Variants in C1QTNF3 observed in about 807,000 individuals in gnomAD.
C1QTNF3 encodes the protein complement C1q tumor necrosis factor-related protein 3.
A neutral mutation model predicts 32.6 loss-of-function variants in C1QTNF3; 26 were observed. The ratio of observed to expected loss-of-function variants is 0.80; its 90% CI spans 0.58 to 1.11. The LOEUF is 1.11. Ranked by LOEUF, C1QTNF3 falls within the 50% of genes least tolerant of loss-of-function variation. The probability of loss-of-function intolerance (pLI) is 0.00; values close to 1 mark genes in which losing one functional copy is unlikely to be tolerated. For synonymous variants in C1QTNF3, 155 were observed against 146.0 expected (o/e 1.06, Z -0.44); for missense variants, 362 against 398.2 (o/e 0.91, Z 0.77).
the C1QTNF3 span, among the ~76,000 whole-genome samples, chr5:34,197,331 G>A: frequency 6.6e-6 from 1 of 152,294 alleles, no homozygotes; most frequent in Non-Finnish European, 1.5e-5. Flanking sequence ...ATATTCTTCA[G>A]AGATGGCATG....
At chr5:34,097,354 C>T in the C1QTNF3 span, among the ~76,000 whole-genome samples, 1 of 151,814 alleles carries the variant, frequency 6.6e-6, no homozygotes, top group Non-Finnish European at 1.5e-5. Context: ...TATATAGAAA[C>T]TGCATTTTTT....
chr5:34,055,086 C>T, the C1QTNF3 span, among the ~76,000 whole-genome samples: 1 of 152,186 alleles, frequency 6.6e-6, no homozygotes, highest in African/African-American at 2.4e-5. Flanking sequence ...ACACAGGAAA[C>T]TAATCAATTT....
the C1QTNF3 span, among the ~76,000 whole-genome samples, chr5:34,061,878 T>C: frequency 2.0e-5 from 3 of 152,212 alleles, no homozygotes; most frequent in African/African-American, 7.2e-5. Context: ...ATTTGGCTCC[T>C]CACTACTTAT....
chr5:34,122,022 C>G, the C1QTNF3 span, among the ~76,000 whole-genome samples: 6 of 152,282 alleles, frequency 3.9e-5, no homozygotes, highest in African/African-American at 9.6e-5. Flanking sequence ...AAATAAATGT[C>G]TGTCATTTAT....
chr5:34,084,789 GTTTTTTTTTT>G, the C1QTNF3 span, among the ~76,000 whole-genome samples: 2 of 68,762 alleles, frequency 2.9e-5, no homozygotes, highest in African/African-American at 1.5e-4. Flanking sequence ...GGTTTTTCTG[GTTTTTTTTTT>G]GTTTTTTTTG....
chr5:34,081,350 A>T, the C1QTNF3 span, among the ~76,000 whole-genome samples: 1 of 151,760 alleles, frequency 6.6e-6, no homozygotes, highest in African/African-American at 2.4e-5. Context: ...ACATCTATTT[A>T]TGTTCAAGTA....
chr5:34,087,706 C>T, the C1QTNF3 span, among the ~76,000 whole-genome samples: 1 of 150,556 alleles, frequency 6.6e-6, no homozygotes, highest in South Asian at 2.1e-4. Context: ...CCTGAGGTAG[C>T]TGGGAATACA....
chr5:34,121,422 A>G, the C1QTNF3 span, among the ~76,000 whole-genome samples: 1 of 152,160 alleles, frequency 6.6e-6, no homozygotes, highest in Non-Finnish European at 1.5e-5. Flanking sequence ...ATGGCAGGAT[A>G]TGAAAGGCAC....
chr5:34,242,248 T>C, the C1QTNF3 span, among the ~76,000 whole-genome samples: 3 of 152,262 alleles, frequency 2.0e-5, no homozygotes, highest in East Asian at 5.8e-4. Flanking sequence ...AGAGGCATCA[T>C]ACTACCCAAT....
chr5:34,159,265 GCAAA>G, the C1QTNF3 span, among the ~76,000 whole-genome samples: 1 of 152,048 alleles, frequency 6.6e-6, no homozygotes, highest in East Asian at 1.9e-4. Flanking sequence ...TACAATAATA[GCAAA>G]CAAACTTGAA....
At chr5:34,175,800 C>T in the C1QTNF3 span, 1 of 743,226 alleles carries the variant, frequency 1.3e-6, no homozygotes, top group East Asian at 2.5e-5. Flanking sequence ...TACATTATCC[C>T]ATGCGCTAAA....
chr5:34,132,076 C>T, the C1QTNF3 span, among the ~76,000 whole-genome samples: 4 of 151,944 alleles, frequency 2.6e-5, no homozygotes, highest in African/African-American at 9.7e-5. Flanking sequence ...CTTGACAGTG[C>T]TACTTTGAAT....
chr5:34,154,983 A>AC, the C1QTNF3 span, among the ~76,000 whole-genome samples: 15 of 152,316 alleles, frequency 9.8e-5, no homozygotes, highest in African/African-American at 3.6e-4. Context: ...GTCTCCTAAC[A>AC]CATTGCTATG....
chr5:34,162,826 T>C, the C1QTNF3 span, among the ~76,000 whole-genome samples: 1 of 152,158 alleles, frequency 6.6e-6, no homozygotes, highest in South Asian at 2.1e-4. Context: ...GCTCTCTTTC[T>C]CCCCTTAGTA....
the C1QTNF3 span, among the ~76,000 whole-genome samples, chr5:34,131,999 ATTTACATAG>A: frequency 6.6e-6 from 1 of 152,316 alleles, no homozygotes; most frequent in East Asian, 1.9e-4. Flanking sequence ...CATTCGATAA[ATTTACATAG>A]TTAAAATAGA....
At chr5:34,089,314 C>T in the C1QTNF3 span, among the ~76,000 whole-genome samples, 2 of 151,918 alleles carry the variant, frequency 1.3e-5, no homozygotes, top group Admixed American at 6.6e-5. Context: ...ATGTTTGTGT[C>T]CTCCCAAATG....
the C1QTNF3 span, among the ~76,000 whole-genome samples, chr5:34,182,474 CAAAT>C: frequency 2.7e-3 from 375 of 138,140 alleles, no homozygotes; most frequent in East Asian, 0.019. Flanking sequence ...GAGACCATCA[CAAAT>C]AAATAAATAA....
At chr5:34,023,415 A>G (rs1156843339) in intron 5 of C1QTNF3, among the ~76,000 whole-genome samples, 1 of 152,212 alleles carries the variant, frequency 6.6e-6, no homozygotes, top group African/African-American at 2.4e-5. Context: ...CCACTCAGGT[A>G]AGGAAGGCTC....
chr5:34,048,289 TGA>T, the C1QTNF3 span, among the ~76,000 whole-genome samples: 1,118 of 141,044 alleles, frequency 7.9e-3, 10 homozygotes, highest in South Asian at 0.043. Context: ...TGTGTGTGCA[TGA>T]GAGAGAGAGA....
Sources: gnomAD v4.1 joint callset for allele counts (sites outside exome capture counted in the v4.1 genomes callset) on GRCh38, gnomAD v4.1.1 for gene constraint, MANE v1.5 for transcripts, NCBI Gene and HGNC (gene_info 2026-07-23, HGNC 2026-07-21) for gene names.